SLC47A1: variants seen among roughly 807,000 people sequenced by gnomAD.
SLC47A1 encodes multidrug and toxin extrusion protein 1.
SLC47A1 carries 58 observed loss-of-function variants against 65.8 expected under a neutral mutation model. That is an observed-to-expected ratio of 0.88 (90% CI 0.71 to 1.10). The LOEUF is 1.10. Ranked by LOEUF, SLC47A1 falls within the 50% of genes least tolerant of loss-of-function variation. SLC47A1 has a pLI of 0.00. For synonymous variants in SLC47A1, 285 were observed against 295.0 expected (o/e 0.97, Z 0.35); for missense variants, 706 against 719.2 (o/e 0.98, Z 0.21).
Position 19,556,016 on chromosome 17 carries a change from T to C in SLC47A1, c.875T>C (p.Leu292Pro), listed in dbSNP as rs768972014. 1.5e-5 allele frequency: 25 copies of C among 1,614,076 alleles called. No individual in the cohort carries two copies. Among genetic ancestry groups the C allele is most frequent in the Non-Finnish European group, 2.0e-5 (24 of 1,180,036 alleles). Residue 292 changes from leucine to proline, a missense_variant, in exon 10 of 17, where the codon CTG (leucine) becomes CCG (proline). Coordinates refer to ENST00000270570, the MANE Select transcript of SLC47A1 (RefSeq NM_018242.3). Reference sequence around the variant, plus strand: ...CCAGGCATCCTCGGCATGGTGGAGCTGGGCGCTCAGTCCATCGTGTATGAA... The same window carrying C: ...CCAGGCATCCTCGGCATGGTGGAGCCGGGCGCTCAGTCCATCGTGTATGAA... ...FLSGILGMVE[L>P]GAQSIVYELA...
intron 14 of SLC47A1, chr17:19,567,849 G>T (rs2084372155): frequency 6.5e-6 from 1 of 153,028 alleles, no homozygotes; most frequent in Middle Eastern, 3.1e-3. Flanking sequence ...CCTTAGCTCT[G>T]TGCCCCCACA....
chr17:19,544,137 G>C (rs548190292), intron 2 of SLC47A1, among the ~76,000 whole-genome samples: 86 of 152,060 alleles, frequency 5.7e-4, no homozygotes, highest in Non-Finnish European at 7.8e-4. Flanking sequence ...GTAGAGATGG[G>C]GTTTCACCAT....
intron 12 of SLC47A1, among the ~76,000 whole-genome samples, chr17:19,562,785 T>A (rs2084323550): frequency 6.6e-6 from 1 of 151,990 alleles, no homozygotes; most frequent in South Asian, 2.1e-4. Flanking sequence ...GCCCACAAAC[T>A]ATAGAACTGA....
At chr17:19,540,751 G>A (rs1434589577) in intron 1 of SLC47A1, among the ~76,000 whole-genome samples, 1 of 152,142 alleles carries the variant, frequency 6.6e-6, no homozygotes, top group Admixed American at 6.5e-5. Flanking sequence ...GTAGCAGGGG[G>A]ACTGTGGCGA....
Position 19,548,124 on chromosome 17 carries a change from A to C in SLC47A1, c.446A>C (p.Asp149Ala). ...HILLLFRQDP[D>A]VSRLTQTYVT... Reference sequence around the variant, plus strand: ...CTGCTGCTCTTCAGGCAGGACCCAGATGTGTCCAGGTAAGATGGAACCTGT... The same window carrying C: ...CTGCTGCTCTTCAGGCAGGACCCAGCTGTGTCCAGGTAAGATGGAACCTGT... Residue 149 changes from aspartate (D) to alanine (A), a missense_variant, in exon 4 of 17, where the codon GAT becomes GCT. Transcript: ENST00000270570. 6.2e-7 allele frequency: 1 copy of C among 1,613,222 alleles called. No individual in the cohort carries two copies. The highest frequency in any genetic ancestry group is 2.2e-5 in the East Asian group (1 of 44,864).
intron 1 of SLC47A1, among the ~76,000 whole-genome samples, chr17:19,539,065 C>T (rs911932150): frequency 3.9e-5 from 6 of 152,080 alleles, no homozygotes; most frequent in African/African-American, 1.2e-4. Flanking sequence ...CATGCCACCA[C>T]GCATGCTATT....
intron 5 of SLC47A1, among the ~76,000 whole-genome samples, chr17:19,550,767 CA>C (rs1475704579): frequency 1.3e-5 from 2 of 152,348 alleles, no homozygotes; most frequent in East Asian, 3.9e-4. Flanking sequence ...CAAGGTGCAG[CA>C]GGGTTGGTGT....
At chr17:19,559,785 G>C (rs1230752520) in intron 10 of SLC47A1, among the ~76,000 whole-genome samples, 1 of 151,866 alleles carries the variant, frequency 6.6e-6, no homozygotes, top group Non-Finnish European at 1.5e-5. Flanking sequence ...CACCTGCCTC[G>C]GCCTCCCAAA....
chr17:19,548,818 C>G (rs1465235811), intron 4 of SLC47A1, among the ~76,000 whole-genome samples: 1 of 152,118 alleles, frequency 6.6e-6, no homozygotes, highest in Admixed American at 6.6e-5. Context: ...TGTGGTGAGG[C>G]CTGGGTATCG....
intron 6 of SLC47A1, among the ~76,000 whole-genome samples, chr17:19,553,912 A>G (rs1029892325): frequency 2.6e-5 from 4 of 152,182 alleles, no homozygotes; most frequent in Non-Finnish European, 5.9e-5. Context: ...ATCCACTGCC[A>G]TCTGCCTGAA....
intron 16 of SLC47A1, among the ~76,000 whole-genome samples, chr17:19,573,484 TTTTAA>T (rs2084416049): frequency 6.6e-6 from 1 of 152,044 alleles, no homozygotes; most frequent in South Asian, 2.1e-4. Context: ...TTATCTTTGA[TTTTAA>T]TTTATTTTTA....
In SLC47A1 at chr17:19,578,117, G is replaced by A. The variant is rs1475321912; in HGVS notation, c.*564G>A. ...TCCTGTGTCAGCCACCAGAGTAGCT[G>A]AGACTACAGGGGTATGCCACCATGC... On this transcript the variant is annotated 3_prime_UTR_variant, in exon 17 of 17. Coordinates refer to ENST00000270570, the MANE Select transcript of SLC47A1 (RefSeq NM_018242.3). The A allele has an allele frequency of 1.7e-5, 9 of 530,992 alleles. No homozygotes were observed. Among genetic ancestry groups the A allele is most frequent in the Admixed American group, 4.8e-5 (2 of 42,096 alleles). 32.9% of individuals were successfully genotyped at this position (530,992 alleles called of 1,614,324 possible).
In SLC47A1 at chr17:19,534,030, T is replaced by G; in HGVS notation, c.91T>G (p.Phe31Val). 3.2e-6 allele frequency: 5 copies of G among 1,547,792 alleles called. No homozygotes were observed. Among genetic ancestry groups the G allele is most frequent in the Non-Finnish European group, 4.4e-6 (5 of 1,147,672 alleles). ...RGSRCLRLSAFREELRALLVL... is the reference protein window; with the variant it reads ...RGSRCLRLSAVREELRALLVL... ...GTCGCGCTGCTTGCGGCTGTCCGCC[T>G]TCCGAGAAGAGCTGCGGGCGCTCTT... The change falls in exon 1 of 17, where the codon TTC (phenylalanine) becomes GTC (valine). Residue 31 changes from phenylalanine to valine, a missense_variant. Transcript: ENST00000270570.
chr17:19,560,366 C>T, intron 11 of SLC47A1, 52 bp from the exon 12 acceptor site: 1 of 1,608,326 alleles, frequency 6.2e-7, no homozygotes, highest in Non-Finnish European at 8.5e-7. Context: ...CCTCCACTTC[C>T]TGTGGATCTT....
Position 19,555,696 on chromosome 17 carries a change from G to A in SLC47A1, c.739+6G>A. 1 of 1,614,034 alleles carries A rather than the reference G, an allele frequency of 6.2e-7. No homozygotes were observed. Among genetic ancestry groups the A allele is most frequent in the Non-Finnish European group, 8.5e-7 (1 of 1,179,932 alleles). ...GCATCAAGCTACATGGGGAGGTAATGACTGCCCTTTTGTCTTCCAACTGGG... is the reference window on the plus strand; with the variant it reads ...GCATCAAGCTACATGGGGAGGTAATAACTGCCCTTTTGTCTTCCAACTGGG... On this transcript the variant is annotated splice_donor_region_variant and intron_variant, in intron 8 of 16. Coordinates refer to ENST00000270570, the MANE Select transcript of SLC47A1 (RefSeq NM_018242.3).
intron 10 of SLC47A1, among the ~76,000 whole-genome samples, chr17:19,556,695 AT>A (rs1916623701): frequency 6.6e-6 from 1 of 151,766 alleles, no homozygotes; most frequent in African/African-American, 2.4e-5. Flanking sequence ...AGTAGCTGAG[AT>A]TACAGGTGCC....
At chr17:19,553,612 G>T (rs1916517213) in intron 6 of SLC47A1, among the ~76,000 whole-genome samples, 1 of 150,054 alleles carries the variant, frequency 6.7e-6, no homozygotes, top group Non-Finnish European at 1.5e-5. Flanking sequence ...CGTGACCTCG[G>T]CTCACTGCAA....
At chr17:19,554,758 T>C (rs1458353005) in intron 6 of SLC47A1, among the ~76,000 whole-genome samples, 1 of 152,202 alleles carries the variant, frequency 6.6e-6, no homozygotes, top group African/African-American at 2.4e-5. Flanking sequence ...AAGTTAGATA[T>C]GTTGGAATCC....
At chr17:19,575,614 G>A (rs1051190005) in intron 16 of SLC47A1, among the ~76,000 whole-genome samples, 1 of 152,028 alleles carries the variant, frequency 6.6e-6, no homozygotes, top group African/African-American at 2.4e-5. Context: ...AGCCCAGGTT[G>A]GTCTTGAACT....
Sources: gnomAD v4.1 joint callset for allele counts (sites outside exome capture counted in the v4.1 genomes callset) on GRCh38, gnomAD v4.1.1 for gene constraint, MANE v1.5 for transcripts, NCBI Gene and HGNC (gene_info 2026-07-23, HGNC 2026-07-21) for gene names.